The following CDH12 variants were observed in gnomAD, a reference collection of about 807,000 sequenced individuals.
CDH12 encodes the protein cadherin-12.
In CDH12, 41 loss-of-function variants were observed where a neutral mutation model predicts 74.1. The ratio of observed to expected loss-of-function variants is 0.55; its 90% CI spans 0.43 to 0.72. The LOEUF is 0.72. Among genes scored for constraint, CDH12 ranks in the 30% least tolerant of loss-of-function variants. The probability of loss-of-function intolerance (pLI) is 0.00; values close to 1 mark genes in which losing one functional copy is unlikely to be tolerated. For missense variants in CDH12, 945 were observed against 977.2 expected (o/e 0.97, Z 0.44); for synonymous variants, 399 against 355.0 (o/e 1.12, Z -1.39).
At chr5:22,152,268 C>T (rs1747645946) in intron 4 of CDH12, 1 of 151,866 alleles carries the variant, frequency 6.6e-6, no homozygotes, top group Admixed American at 6.6e-5. Flanking sequence ...CAACAAAAAA[C>T]AAAACTAAAA....
intron 3 of CDH12, among the ~76,000 whole-genome samples, chr5:22,316,376 T>G (rs1341273439): frequency 2.0e-5 from 3 of 152,136 alleles, no homozygotes; most frequent in Admixed American, 6.6e-5. Context: ...ATAAAAAGTT[T>G]GTAGAAGACT....
chr5:22,544,621 G>C (rs889503668), intron 1 of CDH12, among the ~76,000 whole-genome samples: 11 of 152,172 alleles, frequency 7.2e-5, no homozygotes, highest in Middle Eastern at 3.4e-3. Flanking sequence ...TTCAAGACCA[G>C]ACTGAGAAAC....
intron 1 of CDH12, among the ~76,000 whole-genome samples, chr5:22,767,660 T>C (rs1177239799): frequency 6.6e-6 from 1 of 151,982 alleles, no homozygotes; most frequent in Non-Finnish European, 1.5e-5. Context: ...CTAGAAGCTA[T>C]GAAGCAAAAT....
At chr5:22,516,063 T>C (rs911006553) in intron 1 of CDH12, among the ~76,000 whole-genome samples, 10 of 152,152 alleles carry the variant, frequency 6.6e-5, no homozygotes, top group African/African-American at 1.4e-4. Context: ...CCCCATTTAA[T>C]GATGCCCAAA....
At chr5:22,631,603 A>T (rs1189004626) in intron 1 of CDH12, among the ~76,000 whole-genome samples, 1 of 152,118 alleles carries the variant, frequency 6.6e-6, no homozygotes, top group African/African-American at 2.4e-5. Context: ...ATGGACACAA[A>T]TGTATTAGCG....
At chr5:22,744,163 C>T (rs1318580075) in intron 1 of CDH12, among the ~76,000 whole-genome samples, 1 of 152,152 alleles carries the variant, frequency 6.6e-6, no homozygotes, top group East Asian at 1.9e-4. Flanking sequence ...GGCGCGGTGG[C>T]TCACGCCTGT....
intron 6 of CDH12, among the ~76,000 whole-genome samples, chr5:21,895,586 C>T (rs1462443717): frequency 1.3e-5 from 2 of 152,150 alleles, no homozygotes; most frequent in Non-Finnish European, 2.9e-5. Flanking sequence ...CCTTGTTAGC[C>T]ACACAGCTGC....
In CDH12 at chr5:21,841,468, G is replaced by A. The variant is rs1330332736; in HGVS notation, c.814+693C>T. On this transcript the variant is annotated intron_variant, in intron 8 of 14. Coordinates refer to ENST00000382254, the MANE Select transcript of CDH12 (RefSeq NM_004061.5). ...AGTGTGGCGATTCCTCAGGGATCTA[G>A]AACTAGAAATACCATTTGACCCAGC... Among the ~76,000 whole-genome samples the A allele has an allele frequency of 3.3e-5, 5 of 150,826 alleles. No homozygotes were observed. The East Asian group carries it at 9.8e-4, about 30-fold the overall frequency.
chr5:22,170,177 G>C (rs1748936717), intron 4 of CDH12, among the ~76,000 whole-genome samples: 1 of 151,700 alleles, frequency 6.6e-6, no homozygotes, highest in African/African-American at 2.4e-5. Flanking sequence ...GCTGTGGAGG[G>C]GGAACGATAA....
intron 1 of CDH12, among the ~76,000 whole-genome samples, chr5:22,604,273 G>C (rs1736990360): frequency 6.6e-6 from 1 of 152,082 alleles, no homozygotes; most frequent in Non-Finnish European, 1.5e-5. Context: ...CTATTTATTG[G>C]GTTCTCCCAT....
chr5:22,215,711 T>C (rs1183245841), intron 3 of CDH12, among the ~76,000 whole-genome samples: 1 of 152,158 alleles, frequency 6.6e-6, no homozygotes, highest in Non-Finnish European at 1.5e-5. Context: ...TGGCATAATG[T>C]AATAGCAAAG....
At chr5:22,153,178 CTTTTCTTTTTTTTTTT>C (rs1288807807) in intron 4 of CDH12, among the ~76,000 whole-genome samples, 3 of 118,220 alleles carry the variant, frequency 2.5e-5, no homozygotes, top group Non-Finnish European at 6.0e-5. Context: ...TCGTTTTTTT[CTTTTCTTTTTTTTTTT>C]TTTTAGAAAC....
chr5:22,424,333 T>C (rs1378175113), intron 2 of CDH12, among the ~76,000 whole-genome samples: 1 of 152,132 alleles, frequency 6.6e-6, no homozygotes, highest in African/African-American at 2.4e-5. Context: ...CGGCGTTTCT[T>C]TCTTGTTGCT....
intron 3 of CDH12, among the ~76,000 whole-genome samples, chr5:22,234,953 A>G (rs1752511707): frequency 6.6e-6 from 1 of 152,176 alleles, no homozygotes; most frequent in Non-Finnish European, 1.5e-5. Flanking sequence ...CCCACAATTC[A>G]ATTAAAAACC....
chr5:22,709,468 T>C (rs1007497283), intron 1 of CDH12, among the ~76,000 whole-genome samples: 7 of 152,178 alleles, frequency 4.6e-5, no homozygotes, highest in African/African-American at 1.7e-4. Flanking sequence ...GAAAAATATA[T>C]ATATAATTTT....
chr5:22,321,041 G>A lies in CDH12; in HGVS notation c.-333+84216C>T, dbSNP rs150473579. Among the ~76,000 whole-genome samples the A allele has an allele frequency of 3.9e-5, 6 of 152,162 alleles. No individual in the cohort carries two copies. The East Asian group carries it at 1.2e-3, about 29-fold the overall frequency. ...AGTGAATAGGCATTTTTTGACTAAA[G>A]GTTCAGATCAAAATAATTATCATTC... On this transcript the variant is annotated intron_variant, in intron 3 of 14. Transcript: ENST00000382254.
At chr5:22,323,780 C>T (rs1451093810) in intron 3 of CDH12, among the ~76,000 whole-genome samples, 1 of 151,938 alleles carries the variant, frequency 6.6e-6, no homozygotes, top group African/African-American at 2.4e-5. Context: ...GTTTGCTTTG[C>T]TTTAAGTTAT....
intron 1 of CDH12, among the ~76,000 whole-genome samples, chr5:22,520,554 T>A (rs561857974): frequency 3.3e-5 from 5 of 152,084 alleles, no homozygotes; most frequent in East Asian, 1.9e-4. Flanking sequence ...GTCTTACTTA[T>A]CCAACCTGGC....
intron 2 of CDH12, among the ~76,000 whole-genome samples, chr5:22,434,040 C>T (rs925950087): frequency 1.3e-5 from 2 of 152,114 alleles, no homozygotes; most frequent in African/African-American, 2.4e-5. Flanking sequence ...TATCCAGCCC[C>T]CACACATGAC....
Sources: gnomAD v4.1 joint callset for allele counts (sites outside exome capture counted in the v4.1 genomes callset) on GRCh38, gnomAD v4.1.1 for gene constraint, MANE v1.5 for transcripts, NCBI Gene and HGNC (gene_info 2026-07-23, HGNC 2026-07-21) for gene names.